Variants in TMEM132B observed in about 807,000 individuals in gnomAD.
TMEM132B encodes the protein transmembrane protein 132B.
Under a neutral mutation model 90.8 loss-of-function variants are expected in TMEM132B, and 18 were observed. The observed-to-expected ratio is 0.20, with a 90% CI of 0.14 to 0.29. The LOEUF (loss-of-function observed/expected upper bound fraction) is 0.29. Ranked by LOEUF, TMEM132B falls within the 10% of genes least tolerant of loss-of-function variation. TMEM132B has a pLI of 1.00. For synonymous variants in TMEM132B, 504 were observed against 523.3 expected (o/e 0.96, Z 0.50); for missense variants, 1,096 against 1,326.8 (o/e 0.83, Z 2.70).
chr12:125,587,329 T>G (rs1441313163), intron 5 of TMEM132B: 1 of 152,066 alleles, frequency 6.6e-6, no homozygotes, highest in Non-Finnish European at 1.5e-5. Context: ...TTTATTAGCA[T>G]GAATGGGTGT....
intron 3 of TMEM132B, among the ~76,000 whole-genome samples, chr12:125,453,046 T>C (rs1881196062): frequency 6.6e-6 from 1 of 151,344 alleles, no homozygotes; most frequent in Non-Finnish European, 1.5e-5. Context: ...AATTTAAAAA[T>C]AATCCTGTTT....
intron 1 of TMEM132B, among the ~76,000 whole-genome samples, chr12:125,276,991 C>T (rs555653205): frequency 2.6e-5 from 4 of 152,234 alleles, no homozygotes; most frequent in South Asian, 2.1e-4. Flanking sequence ...GTAGAGGTTG[C>T]GAGTCAGAAG....
intron 4 of TMEM132B, among the ~76,000 whole-genome samples, chr12:125,572,296 C>G (rs1592999999): frequency 2.0e-5 from 3 of 152,266 alleles, no homozygotes; most frequent in African/African-American, 7.2e-5. Context: ...GGAGCTGAAG[C>G]CTTTTGGGAG....
chr12:125,214,333 G>T (rs577219791), intron 1 of TMEM132B, among the ~76,000 whole-genome samples: 69 of 152,262 alleles, frequency 4.5e-4, no homozygotes, highest in African/African-American at 1.5e-3. Flanking sequence ...CATTCTCAGG[G>T]CAGCTTCTTC....
At chr12:125,380,948 A>G (rs543144446) in intron 2 of TMEM132B, among the ~76,000 whole-genome samples, 32 of 152,058 alleles carry the variant, frequency 2.1e-4, no homozygotes, top group Non-Finnish European at 3.8e-4. Context: ...ATGAATGCAC[A>G]CCCTCTTCCC....
At chr12:125,390,489 C>T (rs1878976782) in intron 2 of TMEM132B, among the ~76,000 whole-genome samples, 1 of 152,210 alleles carries the variant, frequency 6.6e-6, no homozygotes. Flanking sequence ...CTCCTCACTT[C>T]ATGAGGTGAA....
chr12:125,635,369 C>T (rs1025624619), intron 5 of TMEM132B, among the ~76,000 whole-genome samples: 7 of 152,086 alleles, frequency 4.6e-5, no homozygotes, highest in Non-Finnish European at 1.0e-4. Flanking sequence ...TCAACTCCCA[C>T]TTATGAGTGA....
chr12:125,553,295 C>T (rs946205142), intron 4 of TMEM132B, among the ~76,000 whole-genome samples: 13 of 152,172 alleles, frequency 8.5e-5, no homozygotes, highest in Admixed American at 2.6e-4. Context: ...ACCTGGTAGA[C>T]GCCAGTCCCA....
intron 4 of TMEM132B, among the ~76,000 whole-genome samples, chr12:125,546,423 C>A (rs1300338640): frequency 6.6e-6 from 1 of 152,100 alleles, no homozygotes; most frequent in Non-Finnish European, 1.5e-5. Context: ...ACCTAGTGAT[C>A]CACCTGTCTT....
chr12:125,575,057 C>CATATATATATAT lies in TMEM132B; in HGVS notation c.1294-8779_1294-8768dup, dbSNP rs147688714. On this transcript the variant is annotated intron_variant, in intron 4 of 8. Coordinates refer to ENST00000682704, the MANE Select transcript of TMEM132B (RefSeq NM_001366854.1). ...ATGAAATCCCAAACCTATTAGCTGT[C>CATATATATATAT]ATATATATATATATATATATATATA... Among the ~76,000 whole-genome samples the CATATATATATAT allele has an allele frequency of 7.7e-3, 338 of 43,862 alleles. 68 individuals are homozygous for CATATATATATAT. The highest frequency in any genetic ancestry group is 0.022 in the Middle Eastern group (1 of 46). 28.8% of individuals were successfully genotyped at this position (43,862 alleles called of 152,430 possible).
chr12:125,521,567 G>A (rs1883307436), intron 4 of TMEM132B, among the ~76,000 whole-genome samples: 1 of 152,216 alleles, frequency 6.6e-6, no homozygotes. Flanking sequence ...GAACAGAAGA[G>A]AGCTGGGCAC....
intron 4 of TMEM132B, among the ~76,000 whole-genome samples, chr12:125,576,677 T>C (rs1049391280): frequency 2.0e-5 from 3 of 152,026 alleles, no homozygotes; most frequent in African/African-American, 7.2e-5. Flanking sequence ...CATTAAAAGG[T>C]GTTGGATTTT....
chr12:125,256,092 CCT>C (rs1227793258), intron 1 of TMEM132B, among the ~76,000 whole-genome samples: 2 of 152,070 alleles, frequency 1.3e-5, no homozygotes, highest in Admixed American at 1.3e-4. Flanking sequence ...TGTCCTGGCC[CCT>C]GTCATCAAAC....
At chr12:125,300,101 C>T (rs1171350597) in intron 1 of TMEM132B, among the ~76,000 whole-genome samples, 1 of 152,234 alleles carries the variant, frequency 6.6e-6, no homozygotes, top group Non-Finnish European at 1.5e-5. Flanking sequence ...CCAGATACCT[C>T]CAGGCCTGCT....
At chr12:125,297,510 C>G (rs1875701084) in intron 1 of TMEM132B, among the ~76,000 whole-genome samples, 1 of 152,242 alleles carries the variant, frequency 6.6e-6, no homozygotes, top group Non-Finnish European at 1.5e-5. Context: ...CAGCGGCCAC[C>G]TATTGCTGGT....
chr12:125,297,830 A>G (rs1875709638), intron 1 of TMEM132B, among the ~76,000 whole-genome samples: 1 of 152,090 alleles, frequency 6.6e-6, no homozygotes, highest in African/African-American at 2.4e-5. Flanking sequence ...CATGGGTTAC[A>G]TCCCATTTCC....
chr12:125,329,521 C>T (rs1456193323), intron 1 of TMEM132B, among the ~76,000 whole-genome samples: 1 of 152,190 alleles, frequency 6.6e-6, no homozygotes, highest in Non-Finnish European at 1.5e-5. Context: ...GCTCCCTCCA[C>T]CCTTGGGTCT....
intron 4 of TMEM132B, among the ~76,000 whole-genome samples, chr12:125,533,757 T>A (rs903622862): frequency 2.0e-5 from 3 of 152,186 alleles, no homozygotes; most frequent in African/African-American, 7.2e-5. Flanking sequence ...ATTCCCGATT[T>A]CCCTGAGTGT....
At chr12:125,644,677 G>A (rs951900157) in intron 6 of TMEM132B, among the ~76,000 whole-genome samples, 2 of 152,042 alleles carry the variant, frequency 1.3e-5, no homozygotes, top group African/African-American at 2.4e-5. Context: ...CTTCCTCCAT[G>A]GAGCACAGTA....
Sources: allele counts gnomAD v4.1 joint callset (sites outside exome capture counted in the v4.1 genomes callset), GRCh38; gene constraint gnomAD v4.1.1; transcripts MANE v1.5; gene names NCBI Gene and HGNC (gene_info 2026-07-23, HGNC 2026-07-21).